KIF6: variants seen among roughly 807,000 people sequenced by gnomAD.
KIF6 encodes the protein kinesin family member 6, also known as kinesin-like protein KIF6.
A neutral mutation model predicts 112.7 loss-of-function variants in KIF6; 106 were observed. The observed-to-expected ratio is 0.94, with a 90% CI of 0.80 to 1.11. The LOEUF (loss-of-function observed/expected upper bound fraction) is 1.11, where lower values mean the gene tolerates loss of function less well. Among genes scored for constraint, KIF6 ranks in the 50% least tolerant of loss-of-function variants. KIF6 has a pLI of 0.00. For synonymous variants in KIF6, 339 were observed against 339.9 expected, an observed-to-expected ratio of 1.00 and a Z score of 0.03; for missense variants, 929 against 964.0, an observed-to-expected ratio of 0.96 and a Z score of 0.48.
At chr6:39,518,293 T>C (rs955158963) in intron 13 of KIF6, among the ~76,000 whole-genome samples, 1 of 152,160 alleles carries the variant, frequency 6.6e-6, no homozygotes, top group African/African-American at 2.4e-5. Flanking sequence ...CTATGTGAGC[T>C]CTATGGTGTG....
intron 15 of KIF6, among the ~76,000 whole-genome samples, chr6:39,419,424 C>T (rs1004967738): frequency 6.6e-6 from 1 of 151,524 alleles, no homozygotes; most frequent in Admixed American, 6.6e-5. Flanking sequence ...TTAACTTCAC[C>T]TTTGCAGGGG....
In KIF6 at chr6:39,539,985, G is replaced by A; in HGVS notation, c.1645+18C>T. ...CCATTACAGACAATGAGAAATACTG[G>A]AAATTTAGTCAACTGACCTATTTTC... On this transcript the variant is annotated intron_variant, in intron 13 of 22. Transcript: ENST00000287152. 6.4e-7 allele frequency: 1 copy of A among 1,566,922 alleles called. No homozygotes were observed. The highest frequency in any genetic ancestry group is 8.7e-7 in the Non-Finnish European group (1 of 1,154,218).
intron 15 of KIF6, among the ~76,000 whole-genome samples, chr6:39,415,197 A>G: frequency 6.6e-6 from 1 of 151,922 alleles, no homozygotes; most frequent in Non-Finnish European, 1.5e-5. Context: ...AAAACAAACA[A>G]ACAAAGAAAC....
At chr6:39,605,595 GA>G (rs572483792) in intron 6 of KIF6, among the ~76,000 whole-genome samples, 227 of 151,722 alleles carry the variant, frequency 1.5e-3, no homozygotes, top group Middle Eastern at 3.4e-3. Flanking sequence ...TTGTTCTAAT[GA>G]AAAAAAATAT....
chr6:39,697,371 T>C (rs568677653), intron 3 of KIF6, among the ~76,000 whole-genome samples: 1 of 152,212 alleles, frequency 6.6e-6, no homozygotes, highest in East Asian at 1.9e-4. Context: ...CATAAGCCTA[T>C]CAGGTTGGTG....
chr6:39,602,987 G>A (rs1782659670), intron 6 of KIF6, among the ~76,000 whole-genome samples: 1 of 152,040 alleles, frequency 6.6e-6, no homozygotes, highest in Non-Finnish European at 1.5e-5. Context: ...TCCAAACCCT[G>A]GAACAATCCA....
chr6:39,392,660 T>C (rs1339531876), intron 15 of KIF6, among the ~76,000 whole-genome samples: 1 of 152,140 alleles, frequency 6.6e-6, no homozygotes, highest in Non-Finnish European at 1.5e-5. Context: ...AAACCCTAGA[T>C]GGGGTAAATT....
intron 3 of KIF6, among the ~76,000 whole-genome samples, chr6:39,651,491 C>T (rs1158390740): frequency 1.3e-5 from 2 of 152,134 alleles, no homozygotes; most frequent in African/African-American, 4.8e-5. Flanking sequence ...TCCCTAACTC[C>T]TATAATTCCT....
chr6:39,475,777 C>T (rs1774392458), intron 13 of KIF6, among the ~76,000 whole-genome samples: 1 of 152,170 alleles, frequency 6.6e-6, no homozygotes, highest in Non-Finnish European at 1.5e-5. Context: ...GAGAGTTTTA[C>T]ACTTCTTTTG....
At chr6:39,667,808 T>C (rs1047757023) in intron 3 of KIF6, among the ~76,000 whole-genome samples, 1 of 152,124 alleles carries the variant, frequency 6.6e-6, no homozygotes, top group Admixed American at 6.5e-5. Flanking sequence ...GTGTTCAGGA[T>C]TGTGTCTGAT....
At chr6:39,676,843 A>G (rs1366700089) in intron 3 of KIF6, among the ~76,000 whole-genome samples, 1 of 152,102 alleles carries the variant, frequency 6.6e-6, no homozygotes. Context: ...GAAAAAAGAA[A>G]AAGGCACAGA....
Position 39,578,054 on chromosome 6 carries a change from A to C in KIF6, c.1181+2T>G. On this transcript the variant is annotated splice_donor_variant, in intron 10 of 22. Coordinates refer to ENST00000287152, the MANE Select transcript of KIF6 (RefSeq NM_145027.6). LOFTEE classifies it high-confidence loss of function. ...AAAAGAAAAAAAAGTCTGCAGACTT[A>C]CTGAAGGAGCTCTGCTTCTGTGAGT... The C allele has an allele frequency of 6.2e-7, 1 of 1,601,718 alleles. No individual in the cohort carries two copies. The highest frequency in any genetic ancestry group is 8.6e-7 in the Non-Finnish European group (1 of 1,169,490).
chr6:39,547,153 A>G (rs1561797712), intron 10 of KIF6, among the ~76,000 whole-genome samples: 1 of 152,086 alleles, frequency 6.6e-6, no homozygotes, highest in Non-Finnish European at 1.5e-5. Flanking sequence ...AGCATCTTTT[A>G]AAACTGTATC....
chr6:39,569,933 G>A (rs954464791), intron 10 of KIF6, among the ~76,000 whole-genome samples: 1 of 152,118 alleles, frequency 6.6e-6, no homozygotes, highest in Non-Finnish European at 1.5e-5. Context: ...AATGAATACA[G>A]GTATAAATTT....
intron 9 of KIF6, chr6:39,583,046 C>T (rs1781380858): frequency 5.4e-6 from 1 of 184,794 alleles, no homozygotes; most frequent in African/African-American, 2.3e-5. Flanking sequence ...CTTCAAATCT[C>T]TCACAGACCT....
intron 15 of KIF6, among the ~76,000 whole-genome samples, chr6:39,402,282 G>A (rs1336102762): frequency 1.3e-5 from 2 of 152,094 alleles, no homozygotes; most frequent in African/African-American, 4.8e-5. Flanking sequence ...GGGCATGAGG[G>A]ACTCAAGCCG....
In KIF6 at chr6:39,515,321, C is replaced by T. The variant is rs543244527; in HGVS notation, c.1645+24682G>A. ...CAAAGATCATGAATAGGAACCATAT[C>T]GGAAAGCGAGAAATAGGAGTTGACA... On this transcript the variant is annotated intron_variant, in intron 13 of 22. Transcript: ENST00000287152. Among the ~76,000 whole-genome samples, 7 of 152,294 alleles carry T rather than the reference C, an allele frequency of 4.6e-5. No homozygotes were observed. In the East Asian group the frequency reaches 5.8e-4, roughly 13 times the overall value.
chr6:39,622,279 T>C (rs1443390535), intron 5 of KIF6, among the ~76,000 whole-genome samples: 1 of 152,148 alleles, frequency 6.6e-6, no homozygotes, highest in Non-Finnish European at 1.5e-5. Flanking sequence ...ATGAGCTCTT[T>C]ATATATAAAA....
chr6:39,375,749 C>T (rs551506409), intron 16 of KIF6, among the ~76,000 whole-genome samples: 2 of 152,346 alleles, frequency 1.3e-5, no homozygotes, highest in South Asian at 2.1e-4. Flanking sequence ...AGCCTCCACA[C>T]TGAGTGAGCC....
Sources: gnomAD v4.1 joint callset for allele counts (sites outside exome capture counted in the v4.1 genomes callset) on GRCh38, gnomAD v4.1.1 for gene constraint, MANE v1.5 for transcripts, NCBI Gene and HGNC (gene_info 2026-07-23, HGNC 2026-07-21) for gene names.